Variants in ANKRD26 observed in about 807,000 individuals in gnomAD.
The protein encoded by ANKRD26 is ankyrin repeat domain-containing protein 26.
A neutral mutation model predicts 208.7 loss-of-function variants in ANKRD26; 141 were observed. That is an observed-to-expected ratio of 0.68 (90% CI 0.59 to 0.78). ANKRD26 has a LOEUF of 0.78. Ranked by LOEUF, ANKRD26 falls within the 30% of genes least tolerant of loss-of-function variation. ANKRD26 has a pLI of 0.00. For missense variants in ANKRD26, 1,889 were observed against 1,938.7 expected, an observed-to-expected ratio of 0.97 and a Z score of 0.48; for synonymous variants, 636 against 660.4, an observed-to-expected ratio of 0.96 and a Z score of 0.57.
intron 9 of ANKRD26, among the ~76,000 whole-genome samples, chr10:27,074,022 A>G (rs1397979617): frequency 6.6e-6 from 1 of 152,178 alleles, no homozygotes; most frequent in East Asian, 1.9e-4. Context: ...ATAAAAAAAA[A>G]CCCAGTCAAA....
At position 27,005,450 on chromosome 10, in the gene ANKRD26, T is replaced by C; in HGVS notation, c.*140A>G. 4 of 1,417,976 alleles carry C rather than the reference T, an allele frequency of 2.8e-6. No homozygotes were observed. The highest frequency in any genetic ancestry group is 1.6e-5 in the South Asian group (1 of 63,200). The allele number at this position is 1,417,976 out of a possible 1,614,324, so 87.8% of individuals were successfully genotyped here. ...TAAAAGTTAAAGAAGCCAAGTAACATTGTTTAAAATACTATATAAATTTTG... is the reference window on the plus strand; with the variant it reads ...TAAAAGTTAAAGAAGCCAAGTAACACTGTTTAAAATACTATATAAATTTTG... On this transcript the variant is annotated 3_prime_UTR_variant, in exon 34 of 34. Coordinates refer to ENST00000376087, the MANE Select transcript of ANKRD26 (RefSeq NM_014915.3).
chr10:27,071,772 A>T (rs1003809379), intron 9 of ANKRD26, among the ~76,000 whole-genome samples: 1 of 152,140 alleles, frequency 6.6e-6, no homozygotes, highest in Non-Finnish European at 1.5e-5. Flanking sequence ...CCTGGAACAC[A>T]CTTCCACTGG....
At chr10:27,038,554 G>T (rs1291827521) in intron 21 of ANKRD26, among the ~76,000 whole-genome samples, 1 of 151,932 alleles carries the variant, frequency 6.6e-6, no homozygotes, top group Non-Finnish European at 1.5e-5. Flanking sequence ...AGGAGACTGA[G>T]GCAAGAGAAC....
rs74128569 is a variant in ANKRD26 at position 27,095,808 on chromosome 10, T to G, written c.243-2009A>C. ...TTGAAGATGGAAAGGTCCTGAGAGA[T>G]AGTAGACTATGTTTTCACCTGCAAT... On this transcript the variant is annotated intron_variant, in intron 1 of 33. Coordinates refer to ENST00000376087, the MANE Select transcript of ANKRD26 (RefSeq NM_014915.3). Among the ~76,000 whole-genome samples the G allele has an allele frequency of 5.6e-3, 847 of 152,322 alleles. 6 individuals are homozygous for G. The highest frequency in any genetic ancestry group is 0.019 in the African/African-American group (800 of 41,584).
At position 27,017,521 on chromosome 10, in the gene ANKRD26, T is replaced by A; in HGVS notation, c.4487A>T (p.Glu1496Val). Residue 1496 changes from glutamate to valine, a missense_variant, in exon 30 of 34, where the codon GAA (glutamate) becomes GTA (valine). Physicochemically the swap from Glu to Val is moderately radical, Grantham distance 121 (BLOSUM62 -2). Transcript: ENST00000376087. Reference sequence around the variant, plus strand: ...GCTAACCTGTAAAAATAGATTGACTTCTTTTAATTTTTCTGCTATTTCCTG... The same window carrying A: ...GCTAACCTGTAAAAATAGATTGACTACTTTTAATTTTTCTGCTATTTCCTG... ...ARQEIAEKLK[E>V]VNLFLQAQAA... is the part of the protein sequence containing the mutation. 1 of 1,613,614 alleles carries A rather than the reference T, an allele frequency of 6.2e-7. No homozygotes were observed.
rs572152911 is a variant in ANKRD26, at chr10:27,010,171, A to G, written c.4953+2711T>C. Among the ~76,000 whole-genome samples the G allele has an allele frequency of 8.8e-4, 134 of 152,330 alleles. 3 individuals carry two copies. The South Asian group carries it at 0.018, about 20-fold the overall frequency. ...TTCAAAAAAATTTTTTTAATGTATG[A>G]AAGTCACTTGACCTGACAGAATGGT... On this transcript the variant is annotated intron_variant, in intron 32 of 33. Coordinates refer to ENST00000376087, the MANE Select transcript of ANKRD26 (RefSeq NM_014915.3).
intron 5 of ANKRD26, among the ~76,000 whole-genome samples, chr10:26,977,227 T>C (rs1216012974): frequency 2.6e-5 from 4 of 152,230 alleles, no homozygotes; most frequent in Non-Finnish European, 5.9e-5. Context: ...ACAGATCCCA[T>C]TTCTTTACTA....
the ANKRD26 span, among the ~76,000 whole-genome samples, chr10:26,963,902 G>GTTTT: frequency 3.4e-3 from 230 of 66,944 alleles, 36 homozygotes; most frequent in Middle Eastern, 0.011. Context: ...ATGGTTGGTT[G>GTTTT]GTTTTTTTTT....
At chr10:26,974,676 TC>T (rs2052199450) in exon 6 of ANKRD26, among the ~76,000 whole-genome samples, 1 of 152,188 alleles carries the variant, frequency 6.6e-6, no homozygotes, top group Admixed American at 6.5e-5. Context: ...TGAAATAGAT[TC>T]TTTAGACATT....
At chr10:27,013,180 AT>A in intron 31 of ANKRD26, 70 bp from the exon 32 acceptor site, 1 of 1,396,066 alleles carries the variant, frequency 7.2e-7, no homozygotes, top group Non-Finnish European at 1.0e-6. Flanking sequence ...AAGACTTGCA[AT>A]TTTTAAAAAG....
intron 31 of ANKRD26, among the ~76,000 whole-genome samples, chr10:27,013,544 C>G (rs2053188545): frequency 6.6e-6 from 1 of 152,064 alleles, no homozygotes; most frequent in Non-Finnish European, 1.5e-5. Flanking sequence ...ACAAATATAT[C>G]AAAAACATCA....
intron 4 of ANKRD26, among the ~76,000 whole-genome samples, chr10:26,995,432 T>C (rs1252881130): frequency 6.6e-6 from 1 of 152,186 alleles, no homozygotes; most frequent in African/African-American, 2.4e-5. Context: ...AGTTCTCTGA[T>C]GGTCATGATG....
At chr10:27,017,886 T>C (rs1257766818) in intron 29 of ANKRD26, 94 bp from the exon 30 acceptor site, 2 of 1,228,390 alleles carry the variant, frequency 1.6e-6, no homozygotes, top group African/African-American at 3.0e-5. Context: ...ATAAATTCAG[T>C]TGCAATAAAA....
At chr10:26,953,802 T>G in the ANKRD26 span, among the ~76,000 whole-genome samples, 2 of 152,196 alleles carry the variant, frequency 1.3e-5, no homozygotes, top group Non-Finnish European at 2.9e-5. Flanking sequence ...TGGGTGAGGG[T>G]TTAATATGCC....
intron 6 of ANKRD26, chr10:27,080,976 C>A: frequency 1.0e-6 from 1 of 985,046 alleles, no homozygotes; most frequent in South Asian, 4.7e-5. Flanking sequence ...GGCCACAGAT[C>A]TATGTAGTTC....
chr10:26,968,478 T>C, the ANKRD26 span, among the ~76,000 whole-genome samples: 1 of 152,222 alleles, frequency 6.6e-6, no homozygotes, highest in African/African-American at 2.4e-5. Context: ...TCTCCCTCCA[T>C]GTAACTTCAT....
chr10:26,995,353 C>T (rs182222717), intron 4 of ANKRD26, among the ~76,000 whole-genome samples: 2 of 152,268 alleles, frequency 1.3e-5, no homozygotes, highest in Non-Finnish European at 2.9e-5. Flanking sequence ...AGGGAAGTGG[C>T]TGATGTTGCT....
At chr10:27,050,956 G>A (rs1328047279) in intron 16 of ANKRD26, 1 of 787,398 alleles carries the variant, frequency 1.3e-6, no homozygotes, top group Non-Finnish European at 1.7e-6. Context: ...TACATATTTA[G>A]GTAACACCAT....
rs755734556 is a variant in ANKRD26, at chr10:27,038,020, T to TTCTTC, written c.2405_2409dup (p.Asn804GlufsTer15). 6.2e-7 allele frequency: 1 copy of TTCTTC among 1,611,524 alleles called. No individual in the cohort carries two copies. The highest frequency in any genetic ancestry group is 1.7e-5 in the Admixed American group (1 of 60,002). ...ATTTTTTCATACAACGTATCAGCAT[T>TTCTTC]TCTTCTCTTCTCTTCTTCTTGGTTT... On this transcript the variant is annotated frameshift_variant, in exon 22 of 34. Transcript: ENST00000376087. LOFTEE classifies it high-confidence loss of function.
Sources: allele counts gnomAD v4.1 joint callset (sites outside exome capture counted in the v4.1 genomes callset), GRCh38; gene constraint gnomAD v4.1.1; transcripts MANE v1.5; gene names NCBI Gene and HGNC (gene_info 2026-07-23, HGNC 2026-07-21).